Variants in COL21A1 observed in about 807,000 individuals in gnomAD.
COL21A1 encodes the protein collagen type XXI alpha 1 chain.
A neutral mutation model predicts 137.9 loss-of-function variants in COL21A1; 149 were observed. The observed-to-expected ratio is 1.08, with a 90% CI of 0.95 to 1.24. COL21A1 has a LOEUF of 1.24. Ranked by LOEUF, COL21A1 falls within the 50% of genes most tolerant of loss-of-function variation. COL21A1 has a pLI of 0.00. For missense variants in COL21A1, 1,167 were observed against 1,158.4 expected (o/e 1.01, Z -0.11); for synonymous variants, 456 against 391.5 (o/e 1.16, Z -1.95).
chr6:56,202,419 G>A (rs927624182), intron 1 of COL21A1, among the ~76,000 whole-genome samples: 3 of 152,120 alleles, frequency 2.0e-5, no homozygotes, highest in African/African-American at 7.2e-5. Flanking sequence ...TCATAAGGAG[G>A]ACCACTTTGC....
At chr6:56,213,310 A>G (rs912954325) in intron 1 of COL21A1, among the ~76,000 whole-genome samples, 3 of 152,142 alleles carry the variant, frequency 2.0e-5, no homozygotes, top group Non-Finnish European at 4.4e-5. Flanking sequence ...TTTCACTTAC[A>G]TTATCCATGA....
chr6:56,086,075 T>G (rs1018713602), intron 17 of COL21A1, among the ~76,000 whole-genome samples: 60 of 151,832 alleles, frequency 4.0e-4, no homozygotes, highest in Middle Eastern at 3.4e-3. Flanking sequence ...ATCAGGGGTT[T>G]TAAATTTACG....
chr6:56,124,257 A>C lies in COL21A1; in HGVS notation c.1686T>G (p.Pro562=), dbSNP rs754123976. 10 of 1,603,864 alleles carry C rather than the reference A, an allele frequency of 6.2e-6. No homozygotes were observed. Among genetic ancestry groups the C allele is most frequent in the African/African-American group, 1.3e-5 (1 of 74,792 alleles). ...AACTCACAGCAGGTCCAGGGAGGCC[A>C]GGGAAGCCAGCATTCCCCTTTTCAC... is the stretch of plus-strand genomic sequence containing the variant. ...AKGEKGNAGF[P]GLPGPAGEPG... Residue 562 remains proline, a synonymous_variant, in exon 15 of 30, where the codon CCT becomes CCG. Coordinates refer to ENST00000244728, the MANE Select transcript of COL21A1 (RefSeq NM_030820.4).
intron 1 of COL21A1, among the ~76,000 whole-genome samples, chr6:56,183,589 C>G (rs1357612093): frequency 6.6e-6 from 1 of 152,260 alleles, no homozygotes. Flanking sequence ...CAGTATAGAA[C>G]AGCCTAGAGA....
chr6:56,219,695 A>G (rs1326527167), intron 1 of COL21A1, among the ~76,000 whole-genome samples: 1 of 152,174 alleles, frequency 6.6e-6, no homozygotes, highest in Non-Finnish European at 1.5e-5. Context: ...GATACACATC[A>G]ATTATCATTC....
intron 1 of COL21A1, among the ~76,000 whole-genome samples, chr6:56,227,719 C>T (rs1195318332): frequency 6.6e-6 from 1 of 152,002 alleles, no homozygotes; most frequent in East Asian, 1.9e-4. Flanking sequence ...ACTGAGGATA[C>T]ACAGATGAGA....
At chr6:56,168,455 C>A (rs1336330914) in intron 5 of COL21A1, among the ~76,000 whole-genome samples, 158 bp from the exon 6 acceptor site, 1 of 152,090 alleles carries the variant, frequency 6.6e-6, no homozygotes, top group Middle Eastern at 3.2e-3. Flanking sequence ...AGGTGGACCT[C>A]ATATGCTATC....
At position 56,125,636 on chromosome 6, in the gene COL21A1, T is replaced by C. The variant is rs746971849; in HGVS notation, c.1597-16A>G. ...CCATTTCACCCTAAAAGACAAAATA[T>C]AAATAGTGAATATTTAAGAAATATG... On this transcript the variant is annotated splice_polypyrimidine_tract_variant and intron_variant, in intron 13 of 29. Coordinates refer to ENST00000244728, the MANE Select transcript of COL21A1 (RefSeq NM_030820.4). 1.3e-6 allele frequency: 2 copies of C among 1,490,320 alleles called. No individual in the cohort carries two copies. The highest frequency in any genetic ancestry group is 2.3e-5 in the East Asian group (1 of 42,710). The allele number at this position is 1,490,320 out of a possible 1,614,324, so 92.3% of individuals were successfully genotyped here. A position where few individuals can be genotyped will look rare whatever the true frequency, so the allele number is the denominator to read the frequency against.
chr6:56,260,888 G>A (rs1044889302), intron 1 of COL21A1, among the ~76,000 whole-genome samples: 18 of 143,998 alleles, frequency 1.3e-4, no homozygotes, highest in Admixed American at 7.2e-4. Context: ...ATGTGTGTGT[G>A]TGTGTACCTT....
intron 1 of COL21A1, among the ~76,000 whole-genome samples, chr6:56,184,406 A>G (rs778043436): frequency 6.6e-6 from 1 of 150,422 alleles, no homozygotes; most frequent in Non-Finnish European, 1.5e-5. Flanking sequence ...TAGACATCTA[A>G]TATTAAAGCT....
intron 1 of COL21A1, among the ~76,000 whole-genome samples, chr6:56,238,246 G>T (rs1229571279): frequency 6.6e-6 from 1 of 151,882 alleles, no homozygotes; most frequent in Non-Finnish European, 1.5e-5. Flanking sequence ...CTCCAGGACA[G>T]GAATCATGTC....
At chr6:56,243,317 A>G (rs1286667611) in intron 1 of COL21A1, among the ~76,000 whole-genome samples, 3 of 152,192 alleles carry the variant, frequency 2.0e-5, no homozygotes, top group African/African-American at 7.2e-5. Flanking sequence ...TAAAGCAGTG[A>G]TTCCCTAGGT....
intron 1 of COL21A1, among the ~76,000 whole-genome samples, chr6:56,194,346 A>G (rs1405563554): frequency 2.6e-5 from 4 of 152,214 alleles, no homozygotes; most frequent in African/African-American, 9.6e-5. Flanking sequence ...ATTTCATTAT[A>G]CACATGTTTA....
chr6:56,127,196 T>A (rs2840989), intron 12 of COL21A1, among the ~76,000 whole-genome samples: 3 of 152,042 alleles, frequency 2.0e-5, no homozygotes, highest in Admixed American at 6.5e-5. Context: ...ATCCCCTTAA[T>A]CCTCAATTAC....
chr6:56,168,059 C>G, intron 6 of COL21A1, 65 bp downstream of exon 6: 1 of 1,120,810 alleles, frequency 8.9e-7, no homozygotes, highest in Non-Finnish European at 1.2e-6. Context: ...GTGGTGAAAA[C>G]TATTACAAAG....
intron 1 of COL21A1, among the ~76,000 whole-genome samples, chr6:56,342,135 AT>A (rs1160315496): frequency 6.6e-6 from 1 of 152,114 alleles, no homozygotes; most frequent in East Asian, 1.9e-4. Context: ...ATACATTGTA[AT>A]TTGTGGTTCT....
In COL21A1 at chr6:56,101,482, C is replaced by T. The variant is rs752877676; in HGVS notation, c.1802G>A (p.Arg601Gln). The T allele has an allele frequency of 1.3e-6, 2 of 1,594,768 alleles. No homozygotes were observed. The highest frequency in any genetic ancestry group is 2.3e-5 in the East Asian group (1 of 44,424). ...SPGAPGQDGT[R>Q]GEPGIPGFPG... ...TGAGAAGGTACTCACAGGCTCTCCCCGTGTTCCATCCTGCCCCGGAGCACC... is the reference window on the plus strand; with the variant it reads ...TGAGAAGGTACTCACAGGCTCTCCCTGTGTTCCATCCTGCCCCGGAGCACC... The change falls in exon 17 of 30, where the codon CGG (arginine) becomes CAG (glutamine). Residue 601 changes from arginine (R) to glutamine (Q), a missense_variant. Coordinates refer to ENST00000244728, the MANE Select transcript of COL21A1 (RefSeq NM_030820.4).
intron 29 of COL21A1, 147 bp downstream of exon 29, chr6:56,059,018 C>T: frequency 1.6e-6 from 1 of 635,038 alleles, no homozygotes; most frequent in Non-Finnish European, 2.8e-6. Flanking sequence ...AAAAAATATT[C>T]CAGAAGTTAG....
intron 1 of COL21A1, among the ~76,000 whole-genome samples, chr6:56,346,463 G>C (rs1426470822): frequency 6.6e-6 from 1 of 152,138 alleles, no homozygotes; most frequent in Non-Finnish European, 1.5e-5. Flanking sequence ...TGTACTAAAA[G>C]CTACTTTATG....
Sources: gnomAD v4.1 joint callset for allele counts (sites outside exome capture counted in the v4.1 genomes callset) on GRCh38, gnomAD v4.1.1 for gene constraint, MANE v1.5 for transcripts, NCBI Gene and HGNC (gene_info 2026-07-23, HGNC 2026-07-21) for gene names.